Variants in BEND7 observed in about 807,000 individuals in gnomAD.
The protein encoded by BEND7 is BEN domain containing 7.
Under a neutral mutation model 50.9 loss-of-function variants are expected in BEND7, and 28 were observed. The ratio of observed to expected loss-of-function variants is 0.55; its 90% CI spans 0.41 to 0.75. BEND7 has a LOEUF of 0.75. BEND7 is among the 30% of genes least tolerant of loss of function. BEND7 has a pLI of 0.00. For synonymous variants in BEND7, 170 were observed against 183.9 expected (o/e 0.92, Z 0.61); for missense variants, 477 against 491.3 (o/e 0.97, Z 0.28).
intron 2 of BEND7, among the ~76,000 whole-genome samples, chr10:13,516,789 T>C (rs1400121665): frequency 6.6e-6 from 1 of 152,174 alleles, no homozygotes; most frequent in Non-Finnish European, 1.5e-5. Flanking sequence ...GACACTGTTC[T>C]GCAAACAAAA....
Position 13,513,141 on chromosome 10 carries a change from G to A in BEND7, c.145+12997C>T, listed in dbSNP as rs116331621. On this transcript the variant is annotated intron_variant, in intron 2 of 8. Coordinates refer to ENST00000466271, the MANE Select transcript of BEND7 (RefSeq NM_001369863.1). ...CTATTTCTTTCTTCTTCTTCTTATT[G>A]CTATTGTTACTGTTGTAGTGTCGGT... is the stretch of plus-strand genomic sequence containing the variant. 2.4e-3 allele frequency among the ~76,000 whole-genome samples: 371 copies of A among 152,032 alleles called. 3 individuals carry two copies. The highest frequency in any genetic ancestry group is 8.4e-3 in the African/African-American group (348 of 41,408).
In BEND7 at chr10:13,486,639, G is replaced by A. The variant is rs556375518; in HGVS notation, c.838-5515C>T. Among the ~76,000 whole-genome samples, 4 of 152,334 alleles carry A rather than the reference G, an allele frequency of 2.6e-5. No individual in the cohort carries two copies. In the East Asian group the frequency reaches 7.7e-4, roughly 29 times the overall value. ...AGTGAATGTTGAATGGGATAAAAAT[G>A]AAAAGAAATCATCCAACAGCCAATT... is the stretch of plus-strand genomic sequence containing the variant. On this transcript the variant is annotated intron_variant, in intron 5 of 8. Transcript: ENST00000466271.
chr10:13,520,309 G>A (rs1208740802), intron 2 of BEND7, among the ~76,000 whole-genome samples: 1 of 152,118 alleles, frequency 6.6e-6, no homozygotes, highest in East Asian at 1.9e-4. Flanking sequence ...AGCAGGAGGG[G>A]CTTTCCCAGG....
At chr10:13,489,709 AG>A (rs1420453815) in intron 5 of BEND7, among the ~76,000 whole-genome samples, 2 of 152,176 alleles carry the variant, frequency 1.3e-5, no homozygotes, top group Non-Finnish European at 2.9e-5. Flanking sequence ...TCTATCCAGG[AG>A]GATCGTTCAA....
intron 2 of BEND7, among the ~76,000 whole-genome samples, chr10:13,512,663 G>T (rs2078360494): frequency 6.6e-6 from 1 of 152,056 alleles, no homozygotes; most frequent in Non-Finnish European, 1.5e-5. Context: ...CTACCTCATG[G>T]ATCAGTTAAG....
At chr10:13,461,527 G>GT (rs1214163813) in intron 6 of BEND7, among the ~76,000 whole-genome samples, 1 of 152,214 alleles carries the variant, frequency 6.6e-6, no homozygotes, top group Non-Finnish European at 1.5e-5. Flanking sequence ...TCAGTCAGGA[G>GT]TTTGAGACCA....
At chr10:13,494,361 G>A (rs1447858720) in intron 4 of BEND7, among the ~76,000 whole-genome samples, 1 of 152,224 alleles carries the variant, frequency 6.6e-6, no homozygotes, top group African/African-American at 2.4e-5. Flanking sequence ...AGGTTGCAGT[G>A]AGCCGAGATT....
chr10:13,483,707 G>A (rs1292316546), intron 5 of BEND7, among the ~76,000 whole-genome samples: 1 of 152,176 alleles, frequency 6.6e-6, no homozygotes, highest in African/African-American at 2.4e-5. Flanking sequence ...CTGAAGGCTG[G>A]TTCTGCAGGC....
intron 2 of BEND7, among the ~76,000 whole-genome samples, chr10:13,501,734 C>A (rs1289677465): frequency 1.3e-5 from 2 of 152,022 alleles, no homozygotes; most frequent in Non-Finnish European, 2.9e-5. Context: ...GTGGTCCCAG[C>A]TACTTGGAGG....
intron 7 of BEND7, among the ~76,000 whole-genome samples, chr10:13,447,814 A>G (rs1395203376): frequency 1.3e-5 from 2 of 152,126 alleles, no homozygotes; most frequent in Non-Finnish European, 2.9e-5. Context: ...TATGAACCTC[A>G]TTCTATTGAT....
intron 2 of BEND7, among the ~76,000 whole-genome samples, chr10:13,510,889 A>T (rs1426561487): frequency 6.6e-6 from 1 of 152,058 alleles, no homozygotes; most frequent in Admixed American, 6.5e-5. Flanking sequence ...AAAACAAACT[A>T]GTCAAGGGCC....
At chr10:13,515,250 G>C (rs1357492358) in intron 2 of BEND7, among the ~76,000 whole-genome samples, 2 of 152,178 alleles carry the variant, frequency 1.3e-5, no homozygotes, top group African/African-American at 4.8e-5. Flanking sequence ...AATGCTCGCA[G>C]AATACTCTAT....
downstream of BEND7, among the ~76,000 whole-genome samples, chr10:13,439,896 C>T (rs1256301916): frequency 6.6e-6 from 1 of 152,254 alleles, no homozygotes; most frequent in Admixed American, 6.5e-5. Context: ...AGTTTAGTGC[C>T]AGGACTTGGC....
Position 13,502,329 on chromosome 10 carries a change from C to T in BEND7, c.146-2249G>A, listed in dbSNP as rs753176942. ...CTGTCTAATTGAACATGAGTGAACACGGAAATAACACAGATTTCCAAATTT... is the reference window on the plus strand; with the variant it reads ...CTGTCTAATTGAACATGAGTGAACATGGAAATAACACAGATTTCCAAATTT... On this transcript the variant is annotated intron_variant, in intron 2 of 8. Coordinates refer to ENST00000466271, the MANE Select transcript of BEND7 (RefSeq NM_001369863.1). Among the ~76,000 whole-genome samples the T allele has an allele frequency of 5.3e-5, 8 of 152,046 alleles. 1 individual carries two copies. Among genetic ancestry groups the T allele is most frequent in the Admixed American group, 3.9e-4 (6 of 15,266 alleles).
intron 2 of BEND7, among the ~76,000 whole-genome samples, chr10:13,512,890 GCCTTCCCTGAGT>G (rs532541231): frequency 1.1e-3 from 162 of 152,332 alleles, no homozygotes; most frequent in African/African-American, 3.8e-3. Context: ...GAGAATGGCA[GCCTTCCCTGAGT>G]GAGTCTCGTG....
chr10:13,495,324 G>A (rs1320179701), intron 4 of BEND7, among the ~76,000 whole-genome samples: 2 of 152,210 alleles, frequency 1.3e-5, no homozygotes, highest in African/African-American at 4.8e-5. Context: ...TTACTGACCT[G>A]AGCAAAATAC....
chr10:13,460,647 C>T (rs1034154462), intron 6 of BEND7, among the ~76,000 whole-genome samples: 15 of 152,224 alleles, frequency 9.9e-5, no homozygotes, highest in East Asian at 5.8e-4. Context: ...TGTGCACCCA[C>T]AAATCTTAGA....
chr10:13,474,574 G>T lies in BEND7; in HGVS notation c.1063+6325C>A, dbSNP rs936791300. ...GGGTTGATACCCGTCACCGCTGTTG[G>T]ACTCGGGTCGATACCCGTCACCGCT... is the stretch of plus-strand genomic sequence containing the variant. On this transcript the variant is annotated intron_variant, in intron 6 of 8. Transcript: ENST00000466271. Among the ~76,000 whole-genome samples the T allele has an allele frequency of 2.0e-5, 3 of 150,458 alleles. No individual in the cohort carries two copies. The South Asian group carries it at 6.3e-4, about 32-fold the overall frequency.
intron 6 of BEND7, among the ~76,000 whole-genome samples, chr10:13,477,511 C>CA (rs1330073970): frequency 1.3e-5 from 2 of 151,972 alleles, no homozygotes; most frequent in African/African-American, 2.4e-5. Flanking sequence ...ATAACAACAA[C>CA]AACAAAAAAG....
Sources: allele counts gnomAD v4.1 joint callset (sites outside exome capture counted in the v4.1 genomes callset), GRCh38; gene constraint gnomAD v4.1.1; transcripts MANE v1.5; gene names NCBI Gene and HGNC (gene_info 2026-07-23, HGNC 2026-07-21).